NRCAM: variants seen among roughly 807,000 people sequenced by gnomAD.
NRCAM encodes NgCAM-related cell adhesion molecule.
Under a neutral mutation model 156.5 loss-of-function variants are expected in NRCAM, and 83 were observed. The observed-to-expected ratio is 0.53, with a 90% CI of 0.44 to 0.64. The LOEUF (loss-of-function observed/expected upper bound fraction) is 0.64, where lower values mean the gene tolerates loss of function less well. NRCAM is among the 30% of genes least tolerant of loss of function. The probability of loss-of-function intolerance (pLI) is 0.00; values close to 1 mark genes in which losing one functional copy is unlikely to be tolerated. For missense variants in NRCAM, 1,417 were observed against 1,597.3 expected, an observed-to-expected ratio of 0.89 and a Z score of 1.92; for synonymous variants, 538 against 563.9, an observed-to-expected ratio of 0.95 and a Z score of 0.65.
chr7:108,338,979 TTA>T (rs1294414401), intron 2 of NRCAM, among the ~76,000 whole-genome samples: 2 of 152,218 alleles, frequency 1.3e-5, no homozygotes, highest in Non-Finnish European at 2.9e-5. Flanking sequence ...AAAGTAACTT[TTA>T]GAGGAAACCT....
chr7:108,230,011 C>G (rs894100265), intron 8 of NRCAM, among the ~76,000 whole-genome samples: 6 of 152,100 alleles, frequency 3.9e-5, no homozygotes, highest in Non-Finnish European at 7.4e-5. Context: ...AATGAAATAA[C>G]CCATGTTAAG....
intron 1 of NRCAM, among the ~76,000 whole-genome samples, chr7:108,434,663 A>G (rs865918889): frequency 6.6e-6 from 1 of 152,206 alleles, no homozygotes; most frequent in African/African-American, 2.4e-5. Flanking sequence ...CCAGCCACAC[A>G]CAAAACCATG....
rs186760134 is a variant in NRCAM at position 108,389,984 on chromosome 7, C to T, written c.-174+9452G>A. 1.1e-3 allele frequency among the ~76,000 whole-genome samples: 160 copies of T among 152,176 alleles called. 1 individual carries two copies. The highest frequency in any genetic ancestry group is 3.5e-3 in the African/African-American group (146 of 41,520). On this transcript the variant is annotated intron_variant, in intron 2 of 32. Transcript: ENST00000379028. ...AGTATTTTATTGAGGATTTTTTCAC[C>T]GACATTCATCGGGGATATTGGTCCA...
intron 2 of NRCAM, among the ~76,000 whole-genome samples, chr7:108,353,379 G>T (rs1032181938): frequency 6.7e-6 from 1 of 150,202 alleles, no homozygotes; most frequent in Admixed American, 6.6e-5. Flanking sequence ...TTGAGACAGG[G>T]TCTCACTCTG....
chr7:108,324,879 T>TAA (rs2099049267), intron 2 of NRCAM, among the ~76,000 whole-genome samples: 1 of 11,152 alleles, frequency 9.0e-5, no homozygotes, highest in Non-Finnish European at 2.0e-4. Flanking sequence ...GCACTGTACT[T>TAA]TTTTTTTTTT....
chr7:108,302,195 A>C (rs1034093039), intron 3 of NRCAM, among the ~76,000 whole-genome samples: 1 of 152,134 alleles, frequency 6.6e-6, no homozygotes, highest in African/African-American at 2.4e-5. Context: ...GACCCTTGGG[A>C]ATGCTATGTA....
At chr7:108,182,109 T>A (rs1358428376) in intron 23 of NRCAM, among the ~76,000 whole-genome samples, 172 bp from the exon 24 acceptor site, 1 of 152,058 alleles carries the variant, frequency 6.6e-6, no homozygotes, top group Admixed American at 6.5e-5. Context: ...GAGAGATTTT[T>A]TTTTTTTAAG....
intron 32 of NRCAM, among the ~76,000 whole-genome samples, chr7:108,158,196 G>C (rs1171283545): frequency 6.6e-6 from 1 of 152,020 alleles, no homozygotes; most frequent in African/African-American, 2.4e-5. Context: ...TTCAGCTCCA[G>C]AACCAACTTC....
At chr7:108,236,285 A>G (rs2094983461) in intron 5 of NRCAM, among the ~76,000 whole-genome samples, 1 of 152,202 alleles carries the variant, frequency 6.6e-6, no homozygotes, top group Non-Finnish European at 1.5e-5. Context: ...TATTCAAATA[A>G]CAGCTAAAGT....
At chr7:108,167,624 C>T (rs1329043260) in intron 29 of NRCAM, among the ~76,000 whole-genome samples, 2 of 152,146 alleles carry the variant, frequency 1.3e-5, no homozygotes. Context: ...GGACTCTGTT[C>T]AACATTTTGT....
intron 32 of NRCAM, among the ~76,000 whole-genome samples, chr7:108,153,624 AAAAG>A (rs1267209136): frequency 6.6e-6 from 1 of 152,142 alleles, no homozygotes; most frequent in African/African-American, 2.4e-5. Flanking sequence ...CTTGATAAGA[AAAAG>A]AAATAGATGA....
chr7:108,392,014 CTTCAT>C (rs971074219), intron 2 of NRCAM, among the ~76,000 whole-genome samples: 1 of 152,138 alleles, frequency 6.6e-6, no homozygotes, highest in Non-Finnish European at 1.5e-5. Flanking sequence ...ACCTTTTTTC[CTTCAT>C]TTCAACTTTG....
chr7:108,374,677 T>G (rs1184756683), intron 2 of NRCAM, among the ~76,000 whole-genome samples: 1 of 152,106 alleles, frequency 6.6e-6, no homozygotes, highest in African/African-American at 2.4e-5. Context: ...ATACTGTGGT[T>G]TCACAGATGA....
intron 2 of NRCAM, among the ~76,000 whole-genome samples, chr7:108,348,796 G>T (rs780751894): frequency 2.6e-5 from 4 of 151,828 alleles, no homozygotes; most frequent in African/African-American, 9.7e-5. Context: ...AGCCACTCGG[G>T]AGGCTGAGGC....
At chr7:108,452,737 A>G (rs1851899125) in intron 1 of NRCAM, among the ~76,000 whole-genome samples, 1 of 152,258 alleles carries the variant, frequency 6.6e-6, no homozygotes, top group Admixed American at 6.5e-5. Flanking sequence ...CCTAAAGAAT[A>G]TGTTAGAAGC....
intron 26 of NRCAM, among the ~76,000 whole-genome samples, chr7:108,177,247 G>C (rs2060888830): frequency 6.6e-6 from 1 of 152,136 alleles, no homozygotes; most frequent in South Asian, 2.1e-4. Context: ...GCTAAAAAAA[G>C]TTCATGTCAC....
chr7:108,420,696 G>C (rs1338661448), intron 1 of NRCAM, among the ~76,000 whole-genome samples: 1 of 152,128 alleles, frequency 6.6e-6, no homozygotes, highest in Non-Finnish European at 1.5e-5. Context: ...GATTTCCTCT[G>C]GTCCCCATTG....
intron 1 of NRCAM, among the ~76,000 whole-genome samples, chr7:108,403,049 C>G (rs980444128): frequency 6.6e-5 from 10 of 152,192 alleles, no homozygotes; most frequent in Non-Finnish European, 1.5e-4. Flanking sequence ...CAAGCCCCTC[C>G]TCCTTAGAGT....
chr7:108,267,153 A>G (rs1261760743), intron 3 of NRCAM, among the ~76,000 whole-genome samples: 1 of 152,168 alleles, frequency 6.6e-6, no homozygotes, highest in African/African-American at 2.4e-5. Flanking sequence ...CTTTTATAAT[A>G]AGCGGTAAGC....
Sources: allele counts gnomAD v4.1 joint callset (sites outside exome capture counted in the v4.1 genomes callset), GRCh38; gene constraint gnomAD v4.1.1; transcripts MANE v1.5; gene names NCBI Gene and HGNC (gene_info 2026-07-23, HGNC 2026-07-21).